The following VAPA variants were observed in gnomAD, a reference collection of about 807,000 sequenced individuals.
The protein encoded by VAPA is vesicle-associated membrane protein-associated protein A.
A neutral mutation model predicts 25.6 loss-of-function variants in VAPA; 6 were observed. That is an observed-to-expected ratio of 0.23 (90% confidence interval 0.13 to 0.46). The LOEUF is 0.46. Among genes scored for constraint, VAPA ranks in the 20% least tolerant of loss-of-function variants. The pLI is 0.99. For synonymous variants in VAPA, 112 were observed against 106.2 expected, an observed-to-expected ratio of 1.05 and a Z score of -0.34; for missense variants, 244 against 302.1, an observed-to-expected ratio of 0.81 and a Z score of 1.43.
At chr18:9,949,557 G>T (rs1247281033) in intron 4 of VAPA, 1 of 152,132 alleles carries the variant, frequency 6.6e-6, no homozygotes, top group Admixed American at 6.5e-5. Flanking sequence ...TTTTTTAGCA[G>T]TTTATAGCTG....
At chr18:9,932,298 G>C (rs3025596) in intron 2 of VAPA, among the ~76,000 whole-genome samples, 1 of 152,142 alleles carries the variant, frequency 6.6e-6, no homozygotes, top group East Asian at 1.9e-4. Flanking sequence ...TTCAGATCAT[G>C]ATCATATTAC....
chr18:9,946,235 A>G (rs566143549), intron 4 of VAPA, among the ~76,000 whole-genome samples: 2 of 152,332 alleles, frequency 1.3e-5, no homozygotes, highest in Admixed American at 1.3e-4. Flanking sequence ...GATGTGTTGT[A>G]TAAACATCAT....
intron 1 of VAPA, 123 bp from the exon 2 acceptor site, chr18:9,931,687 A>G (rs977558431): frequency 1.5e-5 from 11 of 745,994 alleles, no homozygotes; most frequent in Non-Finnish European, 1.8e-5. Flanking sequence ...GCCATTTGGG[A>G]TATTTATGCC....
intron 4 of VAPA, among the ~76,000 whole-genome samples, chr18:9,946,399 G>A (rs1038744751): frequency 6.6e-6 from 1 of 151,920 alleles, no homozygotes; most frequent in African/African-American, 2.4e-5. Context: ...CCCACACGTG[G>A]CCCATGATGG....
chr18:9,952,967 T>A (rs1387881138), intron 5 of VAPA, among the ~76,000 whole-genome samples: 1 of 152,240 alleles, frequency 6.6e-6, no homozygotes, highest in Non-Finnish European at 1.5e-5. Context: ...AGTGTTTATT[T>A]ATAAGCACAA....
intron 1 of VAPA, among the ~76,000 whole-genome samples, chr18:9,918,975 A>T (rs2069135204): frequency 6.6e-6 from 1 of 152,120 alleles, no homozygotes; most frequent in South Asian, 2.1e-4. Context: ...TTCTTGGCTC[A>T]CTGCAGCCGT....
At chr18:9,944,011 G>A (rs183867386) in intron 4 of VAPA, among the ~76,000 whole-genome samples, 271 of 151,600 alleles carry the variant, frequency 1.8e-3, no homozygotes, top group Non-Finnish European at 3.0e-3. Context: ...ACAGGTGCCC[G>A]CCACCACGCC....
chr18:9,914,452 C>T, intron 1 of VAPA, 117 bp downstream of exon 1: 3 of 834,064 alleles, frequency 3.6e-6, no homozygotes, highest in Non-Finnish European at 5.1e-6. Context: ...CCCTCCCCCA[C>T]GCCCCGGCGC....
intron 1 of VAPA, among the ~76,000 whole-genome samples, chr18:9,925,839 A>G (rs148448796): frequency 6.6e-6 from 1 of 152,106 alleles, no homozygotes; most frequent in South Asian, 2.1e-4. Flanking sequence ...TTTTTCATAT[A>G]TTGCTAATTT....
chr18:9,944,762 T>G (rs1301266756), intron 4 of VAPA, among the ~76,000 whole-genome samples: 2 of 152,264 alleles, frequency 1.3e-5, no homozygotes, highest in Non-Finnish European at 2.9e-5. Flanking sequence ...TACTTTTGCT[T>G]TAACATAGCT....
At chr18:9,953,818 C>A (rs950614963) in intron 5 of VAPA, among the ~76,000 whole-genome samples, 4 of 152,214 alleles carry the variant, frequency 2.6e-5, no homozygotes. Context: ...GAGACACCCA[C>A]TGTGAGTGTA....
intron 4 of VAPA, among the ~76,000 whole-genome samples, 179 bp downstream of exon 4, chr18:9,937,245 A>G (rs990662992): frequency 7.1e-6 from 1 of 141,116 alleles, no homozygotes; most frequent in Non-Finnish European, 1.5e-5. Context: ...TTAAAGTAAC[A>G]TTTTGTTTAT....
chr18:9,918,303 C>T (rs1187157929), intron 1 of VAPA, among the ~76,000 whole-genome samples: 3 of 152,170 alleles, frequency 2.0e-5, no homozygotes, highest in African/African-American at 4.8e-5. Context: ...TTGACCATAA[C>T]TCTTTCTAGT....
At chr18:9,943,977 C>T (rs1050853515) in intron 4 of VAPA, among the ~76,000 whole-genome samples, 2 of 149,928 alleles carry the variant, frequency 1.3e-5, no homozygotes, top group Non-Finnish European at 3.0e-5. Flanking sequence ...TCTCCTGCCT[C>T]AGCCTCTCCG....
intron 1 of VAPA, among the ~76,000 whole-genome samples, chr18:9,918,105 A>G (rs1320933165): frequency 6.6e-6 from 1 of 152,192 alleles, no homozygotes; most frequent in Non-Finnish European, 1.5e-5. Flanking sequence ...CTGAGAAAGA[A>G]AAACCCTGCT....
chr18:9,918,888 C>T (rs1252749601), intron 1 of VAPA, among the ~76,000 whole-genome samples: 4 of 152,168 alleles, frequency 2.6e-5, no homozygotes, highest in Non-Finnish European at 4.4e-5. Context: ...GCCTACTCTT[C>T]TTCCCATATT....
chr18:9,920,595 G>T (rs182782665), intron 1 of VAPA, among the ~76,000 whole-genome samples: 110 of 152,352 alleles, frequency 7.2e-4, no homozygotes, highest in African/African-American at 2.6e-3. Flanking sequence ...ACTGTGCCCA[G>T]CCTCCTTTAT....
chr18:9,930,219 T>C (rs535660645), intron 1 of VAPA, among the ~76,000 whole-genome samples: 15 of 152,238 alleles, frequency 9.9e-5, no homozygotes, highest in African/African-American at 3.1e-4. Context: ...TTAAAATAAT[T>C]AGGCATTCAC....
chr18:9,934,641 C>G (rs2069289755), intron 2 of VAPA, among the ~76,000 whole-genome samples: 2 of 152,100 alleles, frequency 1.3e-5, no homozygotes, highest in African/African-American at 2.4e-5. Context: ...AGAGATATAT[C>G]TTAGAAATAA....
Sources: gnomAD v4.1 joint callset for allele counts (sites outside exome capture counted in the v4.1 genomes callset) on GRCh38, gnomAD v4.1.1 for gene constraint, MANE v1.5 for transcripts, NCBI Gene and HGNC (gene_info 2026-07-23, HGNC 2026-07-21) for gene names.